The following KIFC1 variants were observed in gnomAD, a reference collection of about 807,000 sequenced individuals.
KIFC1 encodes the protein kinesin family member C1, also known as kinesin-like protein KIFC1.
KIFC1 carries 37 observed loss-of-function variants against 66.6 expected under a neutral mutation model. The observed-to-expected ratio is 0.56, with a 90% CI of 0.43 to 0.73. The LOEUF (loss-of-function observed/expected upper bound fraction) is 0.73. KIFC1 is among the 30% of genes least tolerant of loss of function. The pLI is 0.00. For missense variants in KIFC1, 721 were observed against 859.8 expected (o/e 0.84, Z 2.02); for synonymous variants, 325 against 343.5 (o/e 0.95, Z 0.60).
rs1562828982 is a variant in KIFC1 at position 33,398,055 on chromosome 6, G to C, written c.39G>C (p.Gly13=). ...GGTCCCCCCTATTGGAAGTAAAGGG[G>C]AACATAGAACTGAAGAGACCTCTGA... The part of the protein sequence containing the change: ...PQRSPLLEVK[G]NIELKRPLIK... Residue 13 remains glycine, a synonymous_variant, in exon 2 of 11, where the codon GGG becomes GGC. Transcript: ENST00000428849. The C allele has an allele frequency of 6.2e-7, 1 of 1,614,042 alleles. No individual in the cohort carries two copies. Among genetic ancestry groups the C allele is most frequent in the Non-Finnish European group, 8.5e-7 (1 of 1,179,994 alleles).
rs1332192467 is a variant in KIFC1, at chr6:33,405,898, T to C, written c.1536+267T>C. ...CTTGCTCAGCTCATCCTAGCCATGC[T>C]GGCCTCCTGGCTGTTCCTCAACCAG... is the stretch of plus-strand genomic sequence containing the variant. On this transcript the variant is annotated intron_variant, in intron 7 of 10. Coordinates refer to ENST00000428849, the MANE Select transcript of KIFC1 (RefSeq NM_002263.4). This position sits in a 1 kb window ranked among gnomAD's most constrained non-coding sequence, Gnocchi z 5.4. Among the ~76,000 whole-genome samples the C allele has an allele frequency of 6.6e-6, 1 of 152,188 alleles. No homozygotes were observed. The highest frequency in any genetic ancestry group is 1.5e-5 in the Non-Finnish European group (1 of 68,030).
Position 33,391,871 on chromosome 6 carries a change from C to A in KIFC1, c.-115C>A. On this transcript the variant is annotated 5_prime_UTR_variant, in exon 1 of 11. Coordinates refer to ENST00000428849, the MANE Select transcript of KIFC1 (RefSeq NM_002263.4). ...GCGCGGGGCTGGTAGCGGCCGGAGC[C>A]GTGCGAGTTCTCTACCCTGCTTCGC... 7.8e-7 allele frequency: 1 copy of A among 1,287,298 alleles called. No homozygotes were observed. The highest frequency in any genetic ancestry group is 1.1e-6 in the Non-Finnish European group (1 of 903,004). The allele number at this position is 1,287,298 out of a possible 1,614,324, so 79.7% of individuals were successfully genotyped here. A position where few individuals can be genotyped will look rare whatever the true frequency, so the allele number is the denominator to read the frequency against.
chr6:33,405,491 A>G lies in KIFC1; in HGVS notation c.1396A>G (p.Asn466Asp). Residue 466 changes from asparagine (N) to aspartate (D), a missense_variant, in exon 7 of 11, where the codon AAT becomes GAT. Coordinates refer to ENST00000428849, the MANE Select transcript of KIFC1 (RefSeq NM_002263.4). The surrounding 1 kb of genome is among the most constrained non-coding windows in gnomAD (Gnocchi z 5.4). ...TGTAGCAAGCTACGTAGAGATCTAC[A>G]ATGAGACTGTCCGGGACCTGCTGGC... ...SFVASYVEIYNETVRDLLATG... is the reference protein window; with the variant it reads ...SFVASYVEIYDETVRDLLATG... The G allele has an allele frequency of 6.2e-7, 1 of 1,612,892 alleles. No homozygotes were observed. The highest frequency in any genetic ancestry group is 8.5e-7 in the Non-Finnish European group (1 of 1,179,424).
intron 10 of KIFC1, 72 bp from the exon 11 acceptor site, chr6:33,409,574 T>C (rs886744747): frequency 2.1e-6 from 3 of 1,424,342 alleles, no homozygotes; most frequent in Non-Finnish European, 3.0e-6. Flanking sequence ...CATTGGAGGA[T>C]GGGAGATCTT....
In KIFC1 at chr6:33,409,753, G is replaced by C. The variant is rs546856171; in HGVS notation, c.*63G>C. ...TGTGTGTGTGTGTGTGTGTGTGTGTGTCCCTATGTCTATGTATCGGGTGAG... is the reference window on the plus strand; with the variant it reads ...TGTGTGTGTGTGTGTGTGTGTGTGTCTCCCTATGTCTATGTATCGGGTGAG... On this transcript the variant is annotated 3_prime_UTR_variant, in exon 11 of 11. Transcript: ENST00000428849. The C allele has an allele frequency of 9.2e-5, 117 of 1,271,922 alleles. No individual in the cohort carries two copies. The African/African-American group carries it at 1.5e-3, about 16-fold the overall frequency. The allele number at this position is 1,271,922 out of a possible 1,614,324, so 78.8% of individuals were successfully genotyped here.
At chr6:33,407,145 A>C in intron 10 of KIFC1, 23 of 1,150,596 alleles carry the variant, frequency 2.0e-5, no homozygotes, top group Non-Finnish European at 2.6e-5. Context: ...GTAGTAGCTC[A>C]TGCCTATAAT....
chr6:33,400,276 T>G lies in KIFC1; in HGVS notation c.250+1889T>G. On this transcript the variant is annotated intron_variant, in intron 3 of 10. Transcript: ENST00000428849. This position sits in a 1 kb window ranked among gnomAD's most constrained non-coding sequence, Gnocchi z 4.3. ...CCCATTGTGTTTAATGTTTTTCTGT[T>G]TCTTTCTGTCTCTTGGTGGTTTCTT... The G allele has an allele frequency of 6.4e-7, 1 of 1,573,060 alleles. No homozygotes were observed. The highest frequency in any genetic ancestry group is 1.1e-5 in the South Asian group (1 of 90,506).
chr6:33,400,579 T>C lies in KIFC1; in HGVS notation c.250+2192T>C. 3 of 1,221,552 alleles carry C rather than the reference T, an allele frequency of 2.5e-6. No individual in the cohort carries two copies. Among genetic ancestry groups the C allele is most frequent in the Non-Finnish European group, 3.6e-6 (3 of 841,520 alleles). 75.7% of individuals were successfully genotyped at this position (1,221,552 alleles called of 1,614,324 possible). A position where few individuals can be genotyped will look rare whatever the true frequency, so the allele number is the denominator to read the frequency against. On this transcript the variant is annotated intron_variant, in intron 3 of 10. Transcript: ENST00000428849. The surrounding 1 kb of genome is among the most constrained non-coding windows in gnomAD (Gnocchi z 4.3). ...CATGGTGGAGGCAGCTGGTGTCGGA[T>C]GAACCCAGATTCAGGATGACCGAAG...
chr6:33,409,731 G>GTCCCTATGTCTA lies in KIFC1; in HGVS notation c.*42_*43insCCCTATGTCTAT. The GTCCCTATGTCTA allele has an allele frequency of 7.0e-7, 1 of 1,422,236 alleles. No individual in the cohort carries two copies. The highest frequency in any genetic ancestry group is 9.8e-7 in the Non-Finnish European group (1 of 1,019,978). The allele number at this position is 1,422,236 out of a possible 1,614,324, so 88.1% of individuals were successfully genotyped here. On this transcript the variant is annotated 3_prime_UTR_variant, in exon 11 of 11. Transcript: ENST00000428849. ...TGTGTGTGTGTGTGTGTGTGTGTGT[G>GTCCCTATGTCTA]TGTGTGTGTGTGTGTGTGTGTGTCC...
At position 33,404,218 on chromosome 6, in the gene KIFC1, GCTGAGAACTC is replaced by G. The variant is rs1321343815; in HGVS notation, c.756+95_756+104del. 4.6e-5 allele frequency: 60 copies of G among 1,317,206 alleles called. No homozygotes were observed. The East Asian group carries it at 1.4e-3, about 31-fold the overall frequency. The allele number at this position is 1,317,206 out of a possible 1,614,324, so 81.6% of individuals were successfully genotyped here. A position where few individuals can be genotyped will look rare whatever the true frequency, so the allele number is the denominator to read the frequency against. On this transcript the variant is annotated intron_variant, in intron 6 of 10. Coordinates refer to ENST00000428849, the MANE Select transcript of KIFC1 (RefSeq NM_002263.4). This position sits in a 1 kb window ranked among gnomAD's most constrained non-coding sequence, Gnocchi z 4.0. ...CCTTCCAGGTACCCCTCAAGTCTGGGCTGAGAACTCCTGAGCACCTATCTTTAGCAGTATA... is the reference window on the plus strand; with the variant it reads ...CCTTCCAGGTACCCCTCAAGTCTGGGCTGAGCACCTATCTTTAGCAGTATA...
Position 33,404,033 on chromosome 6 carries a change from G to A in KIFC1, c.660G>A (p.Leu220=), listed in dbSNP as rs753333233. 1.7e-5 allele frequency: 28 copies of A among 1,614,176 alleles called. No homozygotes were observed. The highest frequency in any genetic ancestry group is 2.2e-5 in the Non-Finnish European group (26 of 1,180,032). The change falls in exon 6 of 11, where the codon CTG becomes CTA. Residue 220 remains leucine, a synonymous_variant. Coordinates refer to ENST00000428849, the MANE Select transcript of KIFC1 (RefSeq NM_002263.4). This position sits in a 1 kb window ranked among gnomAD's most constrained non-coding sequence, Gnocchi z 4.0. ...RACVLELEER[L]STQEGLVQEL... ...GTGTCCTGGAGCTGGAAGAGCGGCTGAGCACGCAGGAGGGCTTGGTGCAAG... is the reference window on the plus strand; with the variant it reads ...GTGTCCTGGAGCTGGAAGAGCGGCTAAGCACGCAGGAGGGCTTGGTGCAAG...
chr6:33,391,647 G>A (rs1395797675), upstream of KIFC1: 6 of 512,998 alleles, frequency 1.2e-5, no homozygotes, highest in Non-Finnish European at 2.1e-5. Context: ...AAGTGGCACC[G>A]GAAGTGGAAT....
rs1233336751 is a variant in KIFC1 at position 33,393,371 on chromosome 6, A to G, written c.12+1374A>G. Reference sequence around the variant, plus strand: ...GAGTGAGATGGGGAATCATTGGATGATTTTAAGCAGAGAGATAAGATTTGT... The same window carrying G: ...GAGTGAGATGGGGAATCATTGGATGGTTTTAAGCAGAGAGATAAGATTTGT... On this transcript the variant is annotated intron_variant, in intron 1 of 10. Coordinates refer to ENST00000428849, the MANE Select transcript of KIFC1 (RefSeq NM_002263.4). Among the ~76,000 whole-genome samples, 6 of 147,016 alleles carry G rather than the reference A, an allele frequency of 4.1e-5. No individual in the cohort carries two copies. In the East Asian group the frequency reaches 1.2e-3, roughly 31 times the overall value.
chr6:33,409,705 CTGTGTGTGTGTGTGTGTGTGTGTGTGTG>C lies in KIFC1; in HGVS notation c.*37_*64del, dbSNP rs3066474. 74 of 1,264,526 alleles carry C rather than the reference CTGTGTGTGTGTGTGTGTGTGTGTGTGTG, an allele frequency of 5.9e-5. No individual in the cohort carries two copies. Among genetic ancestry groups the C allele is most frequent in the Middle Eastern group, 5.2e-4 (2 of 3,828 alleles). 78.3% of individuals were successfully genotyped at this position (1,264,526 alleles called of 1,614,324 possible). On this transcript the variant is annotated 3_prime_UTR_variant, in exon 11 of 11. Transcript: ENST00000428849. Reference sequence around the variant, plus strand: ...ACAGGAAGTGAAGACGGATCCAGATCTGTGTGTGTGTGTGTGTGTGTGTGTGTGTGTGTGTGTGTGTGTGTGTGTCCCT... The same window carrying C: ...ACAGGAAGTGAAGACGGATCCAGATCTGTGTGTGTGTGTGTGTGTGTCCCT...
chr6:33,403,654 C>CT lies in KIFC1; in HGVS notation c.356-75_356-74insT, dbSNP rs1775488408. Reference sequence around the variant, plus strand: ...GGAGATGTAGCATCAGGTGTGGATCCCATAAAGGCTAGAAGGGAGGAGGGA... The same window carrying CT: ...GGAGATGTAGCATCAGGTGTGGATCCTCATAAAGGCTAGAAGGGAGGAGGGA... On this transcript the variant is annotated intron_variant, in intron 5 of 10. Coordinates refer to ENST00000428849, the MANE Select transcript of KIFC1 (RefSeq NM_002263.4). This position sits in a 1 kb window ranked among gnomAD's most constrained non-coding sequence, Gnocchi z 4.6. 1.9e-6 allele frequency: 3 copies of CT among 1,584,010 alleles called. No individual in the cohort carries two copies. In the African/African-American group the frequency reaches 4.0e-5, roughly 21 times the overall value.
At chr6:33,409,359 G>C (rs1228171615) in intron 10 of KIFC1, among the ~76,000 whole-genome samples, 1 of 152,170 alleles carries the variant, frequency 6.6e-6, no homozygotes, top group Non-Finnish European at 1.5e-5. Context: ...TACAGTGGGA[G>C]AGGTTGGAGG....
rs3066474 is a variant in KIFC1, at chr6:33,409,705, C to CTGTGTGTGTGTGTGTGTGTGTGTG, written c.*41_*64dup. On this transcript the variant is annotated 3_prime_UTR_variant, in exon 11 of 11. Transcript: ENST00000428849. ...ACAGGAAGTGAAGACGGATCCAGAT[C>CTGTGTGTGTGTGTGTGTGTGTGTG]TGTGTGTGTGTGTGTGTGTGTGTGT... 7.1e-6 allele frequency: 9 copies of CTGTGTGTGTGTGTGTGTGTGTGTG among 1,264,466 alleles called. No individual in the cohort carries two copies. In the African/African-American group the frequency reaches 7.5e-5, roughly 11 times the overall value. 78.3% of individuals were successfully genotyped at this position (1,264,466 alleles called of 1,614,324 possible).
At chr6:33,391,584 C>T, upstream of KIFC1, 1 of 272,680 alleles carries the variant, frequency 3.7e-6, no homozygotes, top group Non-Finnish European at 7.1e-6. Context: ...GGCGGGGAGC[C>T]GAGCGGAAGT....
Position 33,403,855 on chromosome 6 carries a change from A to C in KIFC1, c.482A>C (p.Asp161Ala). ...TGCCGTGAGAGGACTCAAACGTTGG[A>C]CCAAGAGAACCAGCAGCTTCAGGAC... Reference protein sequence around the residue: ...KRCRERTQTLDQENQQLQDQL... With the variant: ...KRCRERTQTLAQENQQLQDQL... Residue 161 changes from aspartate to alanine, a missense_variant, in exon 6 of 11, where the codon GAC becomes GCC. Transcript: ENST00000428849. The surrounding 1 kb of genome is among the most constrained non-coding windows in gnomAD (Gnocchi z 4.6). 1 of 1,614,250 alleles carries C rather than the reference A, an allele frequency of 6.2e-7. No individual in the cohort carries two copies. Among genetic ancestry groups the C allele is most frequent in the East Asian group, 2.2e-5 (1 of 44,888 alleles).
Sources: gnomAD v4.1 joint callset for allele counts (sites outside exome capture counted in the v4.1 genomes callset) on GRCh38, gnomAD v4.1.1 for gene constraint, Gnocchi (gnomAD v3.1) non-coding constraint, MANE v1.5 for transcripts, NCBI Gene and HGNC (gene_info 2026-07-23, HGNC 2026-07-21) for gene names.